Variants in CNTNAP4 observed in about 807,000 individuals in gnomAD.
The protein encoded by CNTNAP4 is contactin associated protein family member 4.
Under a neutral mutation model 148.4 loss-of-function variants are expected in CNTNAP4, and 98 were observed. The ratio of observed to expected loss-of-function variants is 0.66; its 90% CI spans 0.56 to 0.78. The LOEUF is 0.78. Among genes scored for constraint, CNTNAP4 ranks in the 30% least tolerant of loss-of-function variants. CNTNAP4 has a pLI of 0.00. For synonymous variants in CNTNAP4, 730 were observed against 565.1 expected (o/e 1.29, Z -4.14); for missense variants, 1,935 against 1,565.6 (o/e 1.24, Z -3.98).
At chr16:76,405,680 G>A (rs1439491507) in intron 3 of CNTNAP4, among the ~76,000 whole-genome samples, 1 of 152,116 alleles carries the variant, frequency 6.6e-6, no homozygotes, top group Non-Finnish European at 1.5e-5. Flanking sequence ...AGGGAGAGGA[G>A]GGGTTGGTCT....
chr16:76,512,548 T>G (rs1166012712), intron 15 of CNTNAP4, among the ~76,000 whole-genome samples: 1 of 152,034 alleles, frequency 6.6e-6, no homozygotes, highest in African/African-American at 2.4e-5. Context: ...TGGGGGAGAT[T>G]GCTGCTGGGG....
intron 3 of CNTNAP4, among the ~76,000 whole-genome samples, chr16:76,418,025 A>G (rs555364267): frequency 6.6e-6 from 1 of 151,712 alleles, no homozygotes; most frequent in Admixed American, 6.6e-5. Flanking sequence ...TGCTTCTTCC[A>G]AAATTTTGTT....
Position 76,495,092 on chromosome 16 carries a change from C to G in CNTNAP4, c.2237+26C>G. The stretch of plus-strand genomic sequence containing the variant: ...GTGATTTCCATATGATTTCTTTATG[C>G]AAGAAAAAGTTCATTTAAAAAAATT... On this transcript the variant is annotated intron_variant, in intron 14 of 23. Coordinates refer to ENST00000611870, the MANE Select transcript of CNTNAP4 (RefSeq NM_033401.5). 1.9e-6 allele frequency: 3 copies of G among 1,608,292 alleles called. No homozygotes were observed. In the East Asian group the frequency reaches 6.7e-5, roughly 36 times the overall value.
intron 1 of CNTNAP4, among the ~76,000 whole-genome samples, chr16:76,280,158 C>T (rs1245063861): frequency 6.6e-6 from 1 of 152,008 alleles, no homozygotes; most frequent in Non-Finnish European, 1.5e-5. Context: ...AAGACTTTTC[C>T]CCTTTATTTA....
chr16:76,357,091 C>G (rs2012777403), intron 3 of CNTNAP4, among the ~76,000 whole-genome samples: 1 of 150,222 alleles, frequency 6.7e-6, no homozygotes, highest in South Asian at 2.1e-4. Context: ...ACCCCAAACT[C>G]CAAACACTGG....
At chr16:76,315,249 T>G (rs1264457690) in intron 1 of CNTNAP4, among the ~76,000 whole-genome samples, 1 of 151,560 alleles carries the variant, frequency 6.6e-6, no homozygotes, top group African/African-American at 2.4e-5. Context: ...CAAGCTCCTC[T>G]GAGTACATTT....
Position 76,559,216 on chromosome 16 carries a change from TAC to T in CNTNAP4, c.*535_*536del, listed in dbSNP as rs1334844312. 1.3e-5 allele frequency: 2 copies of T among 152,224 alleles called. No homozygotes were observed. The highest frequency in any genetic ancestry group is 2.9e-5 in the Non-Finnish European group (2 of 68,056). 9.4% of individuals were successfully genotyped at this position (152,224 alleles called of 1,614,324 possible). A position where few individuals can be genotyped will look rare whatever the true frequency, so the allele number is the denominator to read the frequency against. The stretch of plus-strand genomic sequence containing the variant: ...TTTCTCTGTATTATATTCAATACAA[TAC>T]ATCAATAGTCTTGAAAAATGTTTTG... On this transcript the variant is annotated 3_prime_UTR_variant, in exon 24 of 24. Coordinates refer to ENST00000611870, the MANE Select transcript of CNTNAP4 (RefSeq NM_033401.5).
chr16:76,333,636 C>G lies in CNTNAP4; in HGVS notation c.196+17113C>G, dbSNP rs891706950. Among the ~76,000 whole-genome samples, 11 of 152,178 alleles carry G rather than the reference C, an allele frequency of 7.2e-5. No individual in the cohort carries two copies. The East Asian group carries it at 1.9e-3, about 27-fold the overall frequency. On this transcript the variant is annotated intron_variant, in intron 2 of 23. Transcript: ENST00000611870. ...TATTAATTTCTCCTGTGAATGGACTCTACATTCCTTTTTTTGCATGCATCA... is the reference window on the plus strand; with the variant it reads ...TATTAATTTCTCCTGTGAATGGACTGTACATTCCTTTTTTTGCATGCATCA...
At chr16:76,384,791 T>C (rs2016347977) in intron 3 of CNTNAP4, among the ~76,000 whole-genome samples, 1 of 152,224 alleles carries the variant, frequency 6.6e-6, no homozygotes, top group African/African-American at 2.4e-5. Context: ...AATAAGCTTT[T>C]ATTTTACTAC....
intron 3 of CNTNAP4, among the ~76,000 whole-genome samples, chr16:76,403,756 T>C (rs1040610802): frequency 5.9e-5 from 9 of 152,156 alleles, no homozygotes; most frequent in African/African-American, 1.9e-4. Flanking sequence ...CAAATGTTTA[T>C]TGCAGCACTA....
intron 2 of CNTNAP4, among the ~76,000 whole-genome samples, chr16:76,332,348 C>T (rs1963604991): frequency 6.6e-6 from 1 of 152,106 alleles, no homozygotes; most frequent in African/African-American, 2.4e-5. Context: ...GCAGCCTCCA[C>T]CTCTTAGGCT....
chr16:76,384,267 A>C (rs149562040), intron 3 of CNTNAP4, among the ~76,000 whole-genome samples: 156 of 152,014 alleles, frequency 1.0e-3, no homozygotes, highest in African/African-American at 3.6e-3. Context: ...TGGTCTTGAA[A>C]TCCTGACCTT....
At chr16:76,413,930 TCTAA>T (rs2078890856) in intron 3 of CNTNAP4, among the ~76,000 whole-genome samples, 1 of 151,322 alleles carries the variant, frequency 6.6e-6, no homozygotes, top group Non-Finnish European at 1.5e-5. Flanking sequence ...TAGACTTTTA[TCTAA>T]CAGACTTGCT....
chr16:76,449,988 T>C, intron 7 of CNTNAP4, 130 bp downstream of exon 7: 1 of 706,182 alleles, frequency 1.4e-6, no homozygotes, highest in East Asian at 3.0e-5. Flanking sequence ...TTTTCTTTGA[T>C]TGGCAATATG....
At chr16:76,404,233 A>G (rs2078521305) in intron 3 of CNTNAP4, among the ~76,000 whole-genome samples, 1 of 152,206 alleles carries the variant, frequency 6.6e-6, no homozygotes, top group Non-Finnish European at 1.5e-5. Flanking sequence ...TGAAATTAAA[A>G]AGGTAAATGT....
intron 21 of CNTNAP4, 35 bp from the exon 22 acceptor site, chr16:76,553,248 A>G (rs2144404290): frequency 2.2e-6 from 3 of 1,359,154 alleles, no homozygotes; most frequent in South Asian, 2.5e-5. Context: ...TTCACTTTTC[A>G]CTACTAATAT....
intron 2 of CNTNAP4, among the ~76,000 whole-genome samples, chr16:76,319,138 C>G (rs1372539759): frequency 6.6e-6 from 1 of 152,094 alleles, no homozygotes; most frequent in Non-Finnish European, 1.5e-5. Context: ...ACCTGTAATC[C>G]TAGCACTTTG....
intron 12 of CNTNAP4, among the ~76,000 whole-genome samples, chr16:76,482,815 G>A (rs556717691): frequency 6.6e-6 from 1 of 152,178 alleles, no homozygotes; most frequent in African/African-American, 2.4e-5. Context: ...CACTGAGTTG[G>A]GCCAATGGAA....
At chr16:76,354,822 A>G (rs1403312565) in intron 2 of CNTNAP4, among the ~76,000 whole-genome samples, 1 of 152,132 alleles carries the variant, frequency 6.6e-6, no homozygotes, top group African/African-American at 2.4e-5. Flanking sequence ...GCCAGGAACT[A>G]TTTCTTGACT....
Sources: allele counts gnomAD v4.1 joint callset (sites outside exome capture counted in the v4.1 genomes callset), GRCh38; gene constraint gnomAD v4.1.1; transcripts MANE v1.5; gene names NCBI Gene and HGNC (gene_info 2026-07-23, HGNC 2026-07-21).